The following GRIN2A variants were observed in gnomAD, a reference collection of about 807,000 sequenced individuals.
GRIN2A encodes the protein glutamate ionotropic receptor NMDA type subunit 2A, also known as glutamate receptor ionotropic, NMDA 2A.
A neutral mutation model predicts 113.4 loss-of-function variants in GRIN2A; 22 were observed. The ratio of observed to expected loss-of-function variants is 0.19; its 90% CI spans 0.14 to 0.28. GRIN2A has a LOEUF of 0.28. GRIN2A is among the 10% of genes least tolerant of loss of function. GRIN2A has a pLI of 1.00. For missense variants in GRIN2A, 1,502 were observed against 1,887.0 expected, an observed-to-expected ratio of 0.80 and a Z score of 3.78; for synonymous variants, 827 against 738.4, an observed-to-expected ratio of 1.12 and a Z score of -1.94.
intron 2 of GRIN2A, among the ~76,000 whole-genome samples, chr16:10,018,430 C>T (rs1301038575): frequency 1.3e-5 from 2 of 152,194 alleles, no homozygotes; most frequent in Non-Finnish European, 2.9e-5. Flanking sequence ...ACAGAAGCCC[C>T]TGGAGAAGAG....
chr16:9,781,105 T>C (rs1009707416), intron 11 of GRIN2A, among the ~76,000 whole-genome samples: 59 of 151,746 alleles, frequency 3.9e-4, no homozygotes, highest in African/African-American at 1.4e-3. Flanking sequence ...AAAACAGCCA[T>C]AGACAATGCG....
At chr16:9,962,191 C>A (rs975966032) in intron 2 of GRIN2A, among the ~76,000 whole-genome samples, 5 of 152,280 alleles carry the variant, frequency 3.3e-5, no homozygotes, top group African/African-American at 1.2e-4. Context: ...CCATTCAGGA[C>A]ATAGGCATGG....
chr16:9,824,218 G>T (rs771190279), intron 9 of GRIN2A, among the ~76,000 whole-genome samples: 5 of 152,160 alleles, frequency 3.3e-5, no homozygotes, highest in Non-Finnish European at 5.9e-5. Flanking sequence ...CTTGCCCTGG[G>T]AGTATGTGCG....
intron 2 of GRIN2A, among the ~76,000 whole-genome samples, chr16:9,998,561 C>G (rs1036371382): frequency 2.6e-5 from 4 of 152,162 alleles, no homozygotes; most frequent in Admixed American, 1.3e-4. Flanking sequence ...GTTATGGGCA[C>G]TTTACTGCAA....
At position 9,772,009 on chromosome 16, in the gene GRIN2A, A is replaced by G. The variant is rs115134638; in HGVS notation, c.2357-2920T>C. Among the ~76,000 whole-genome samples the G allele has an allele frequency of 5.1e-3, 773 of 152,336 alleles. 8 individuals are homozygous for G. The highest frequency in any genetic ancestry group is 0.018 in the African/African-American group (750 of 41,574). ...AAGTTCTCAAATGTATTAACCAGAA[A>G]AAAAAGCATACATGTTAATGAGTTT... On this transcript the variant is annotated intron_variant, in intron 11 of 12. Coordinates refer to ENST00000330684, the MANE Select transcript of GRIN2A (RefSeq NM_001134407.3).
intron 2 of GRIN2A, among the ~76,000 whole-genome samples, chr16:10,056,400 C>T (rs2047457336): frequency 6.6e-6 from 1 of 152,114 alleles, no homozygotes; most frequent in Non-Finnish European, 1.5e-5. Context: ...TCTTCCCCTT[C>T]CAGCCAGGCT....
chr16:9,918,978 T>A (rs546740069), intron 3 of GRIN2A, among the ~76,000 whole-genome samples: 11 of 152,064 alleles, frequency 7.2e-5, no homozygotes, highest in African/African-American at 2.2e-4. Context: ...TTTGAAACTA[T>A]CCTGACCAAC....
At chr16:10,047,369 G>T (rs890341605) in intron 2 of GRIN2A, among the ~76,000 whole-genome samples, 1 of 152,180 alleles carries the variant, frequency 6.6e-6, no homozygotes, top group Non-Finnish European at 1.5e-5. Flanking sequence ...ATCATTTTCA[G>T]AATTCAGTAA....
At chr16:10,110,807 G>A (rs2048598685) in intron 2 of GRIN2A, among the ~76,000 whole-genome samples, 1 of 152,190 alleles carries the variant, frequency 6.6e-6, no homozygotes, top group Non-Finnish European at 1.5e-5. Flanking sequence ...ATATGTTGAA[G>A]GTGGCAGAAC....
intron 2 of GRIN2A, among the ~76,000 whole-genome samples, chr16:10,043,972 CATAT>C (rs113409737): frequency 5.0e-5 from 7 of 139,168 alleles, no homozygotes; most frequent in Non-Finnish European, 7.8e-5. Context: ...TACACACACA[CATAT>C]ATATATACAC....
At chr16:9,809,551 ATT>A (rs539535265) in intron 10 of GRIN2A, among the ~76,000 whole-genome samples, 1 of 146,880 alleles carries the variant, frequency 6.8e-6, no homozygotes. Flanking sequence ...CTGTATTTTC[ATT>A]TTTTTTTTTT....
chr16:9,996,064 G>A (rs1187542285), intron 2 of GRIN2A, among the ~76,000 whole-genome samples: 23 of 137,058 alleles, frequency 1.7e-4, no homozygotes, highest in African/African-American at 5.7e-4. Flanking sequence ...AAAGAAAGAA[G>A]TAAGAGGGAA....
intron 11 of GRIN2A, among the ~76,000 whole-genome samples, chr16:9,793,011 A>G (rs1388574875): frequency 6.6e-6 from 1 of 152,192 alleles, no homozygotes; most frequent in Non-Finnish European, 1.5e-5. Flanking sequence ...GCTCCACCCT[A>G]GACCCACTGA....
At chr16:9,831,917 TC>T (rs2042502798) in intron 8 of GRIN2A, among the ~76,000 whole-genome samples, 1 of 151,814 alleles carries the variant, frequency 6.6e-6, no homozygotes, top group East Asian at 1.9e-4. Context: ...TTCACTCACA[TC>T]TTTTTATTTT....
rs1195940272 is a variant in GRIN2A, at chr16:9,927,345, C to CAA, written c.1007+10613_1007+10614insTT. On this transcript the variant is annotated intron_variant, in intron 3 of 12. Transcript: ENST00000330684. ...CAGTACCTGGCATTTTCAAAATCACCATTATTGGCCCAAGATGGGTACATG... is the reference window on the plus strand; with the variant it reads ...CAGTACCTGGCATTTTCAAAATCACCAAATTATTGGCCCAAGATGGGTACATG... Among the ~76,000 whole-genome samples, 4 of 152,204 alleles carry CAA rather than the reference C, an allele frequency of 2.6e-5. No individual in the cohort carries two copies. In the East Asian group the frequency reaches 7.7e-4, roughly 29 times the overall value.
intron 4 of GRIN2A, among the ~76,000 whole-genome samples, chr16:9,851,858 A>C (rs531205483): frequency 6.6e-6 from 1 of 152,340 alleles, no homozygotes; most frequent in East Asian, 1.9e-4. Flanking sequence ...AGTACCAAAA[A>C]TATAGAGCAC....
Position 9,999,123 on chromosome 16 carries a change from C to T in GRIN2A, c.415-60572G>A, listed in dbSNP as rs375888654. On this transcript the variant is annotated intron_variant, in intron 2 of 12. Transcript: ENST00000330684. ...GAAACTTACACTGAAAGCAGCTTCC[C>T]AGGCACCTGCTGGCCCAAGAAGGAT... 2.6e-5 allele frequency among the ~76,000 whole-genome samples: 4 copies of T among 152,136 alleles called. No individual in the cohort carries two copies. In the East Asian group the frequency reaches 7.7e-4, roughly 29 times the overall value.
chr16:10,179,685 C>CTG (rs2142385661), intron 2 of GRIN2A: 1 of 463,392 alleles, frequency 2.2e-6, no homozygotes, highest in East Asian at 4.1e-5. Flanking sequence ...ACTCGTAAAT[C>CTG]TCCAAACATG....
At chr16:10,038,976 A>G (rs1436461502) in intron 2 of GRIN2A, among the ~76,000 whole-genome samples, 2 of 152,134 alleles carry the variant, frequency 1.3e-5, no homozygotes, top group Non-Finnish European at 2.9e-5. Flanking sequence ...CTCCTCCAGG[A>G]AGCCCCCTGG....
Sources: allele counts gnomAD v4.1 joint callset (sites outside exome capture counted in the v4.1 genomes callset), GRCh38; gene constraint gnomAD v4.1.1; transcripts MANE v1.5; gene names NCBI Gene and HGNC (gene_info 2026-07-23, HGNC 2026-07-21).